SPART: variants seen among roughly 807,000 people sequenced by gnomAD.
The protein encoded by SPART is spartin.
A neutral mutation model predicts 58.7 loss-of-function variants in SPART; 35 were observed. The ratio of observed to expected loss-of-function variants is 0.60; its 90% CI spans 0.46 to 0.79. The LOEUF (loss-of-function observed/expected upper bound fraction) is 0.79, where lower values mean the gene tolerates loss of function less well. SPART is among the 30% of genes least tolerant of loss of function. The pLI, the probability that SPART is intolerant of heterozygous loss-of-function variation, is 0.00. For missense variants in SPART, 730 were observed against 786.1 expected (o/e 0.93, Z 0.85); for synonymous variants, 284 against 280.7 (o/e 1.01, Z -0.12).
chr13:36,364,006 G>C (rs866712628), intron 1 of SPART, among the ~76,000 whole-genome samples: 1 of 151,994 alleles, frequency 6.6e-6, no homozygotes, highest in African/African-American at 2.4e-5. Flanking sequence ...TGGGCTGGGG[G>C]ACGGTATGCA....
At chr13:36,309,253 A>AC (rs1238896719) in intron 8 of SPART, among the ~76,000 whole-genome samples, 1 of 152,000 alleles carries the variant, frequency 6.6e-6, no homozygotes, top group African/African-American at 2.4e-5. Context: ...CAAAAAAAAA[A>AC]AAAAAACTGA....
At chr13:36,326,452 T>C (rs1207913748) in intron 5 of SPART, 123 bp downstream of exon 5, 1 of 1,165,452 alleles carries the variant, frequency 8.6e-7, no homozygotes, top group African/African-American at 1.5e-5. Context: ...TATTTCTAAA[T>C]TGATCATTTA....
intron 2 of SPART, among the ~76,000 whole-genome samples, chr13:36,331,919 A>G (rs1883500893): frequency 6.6e-6 from 1 of 152,334 alleles, no homozygotes; most frequent in South Asian, 2.1e-4. Context: ...AAGTAAATTA[A>G]GGTTTTCGTT....
intron 4 of SPART, among the ~76,000 whole-genome samples, chr13:36,327,512 T>C (rs1593251150): frequency 6.6e-6 from 1 of 152,200 alleles, no homozygotes; most frequent in Admixed American, 6.5e-5. Context: ...AGAAATTAAA[T>C]TTTAAAACAC....
intron 4 of SPART, 100 bp from the exon 5 acceptor site, chr13:36,326,798 A>G: frequency 7.7e-7 from 1 of 1,305,856 alleles, no homozygotes; most frequent in Non-Finnish European, 1.1e-6. Context: ...ATACTAGATA[A>G]AATTAATGAA....
At chr13:36,323,037 A>C (rs1356455536) in intron 5 of SPART, among the ~76,000 whole-genome samples, 1 of 152,182 alleles carries the variant, frequency 6.6e-6, no homozygotes, top group African/African-American at 2.4e-5. Context: ...AAAAATGCAT[A>C]ATCTTGGAGA....
chr13:36,314,456 A>G (rs1191318382), intron 5 of SPART, 35 bp from the exon 6 acceptor site: 3 of 1,587,028 alleles, frequency 1.9e-6, no homozygotes, highest in Non-Finnish European at 2.6e-6. Context: ...GCACAATATT[A>G]GGGCTAATTA....
intron 1 of SPART, among the ~76,000 whole-genome samples, chr13:36,357,307 T>C (rs1055958176): frequency 3.3e-5 from 5 of 152,190 alleles, no homozygotes; most frequent in African/African-American, 9.7e-5. Flanking sequence ...CCATCACCCA[T>C]GGGATAGTTT....
chr13:36,348,596 A>G (rs1211749828), upstream of SPART, among the ~76,000 whole-genome samples: 2 of 141,218 alleles, frequency 1.4e-5, no homozygotes, highest in Non-Finnish European at 3.2e-5. Flanking sequence ...AATTAATTCC[A>G]TTCATAATAT....
rs776003453 is a variant in SPART, at chr13:36,326,596, CTT to C, written c.1265_1266del (p.Lys422SerfsTer21). Reference sequence around the variant, plus strand: ...ATACCTGACAAAATGTTGTGAGCCACTTTTTCACTCCATTCAGGTAATTCTTT... The same window carrying C: ...ATACCTGACAAAATGTTGTGAGCCACTTTCACTCCATTCAGGTAATTCTTT... ...KPKELPEWSE[K>X]VAHNILSGAS... On this transcript the variant is annotated frameshift_variant, in exon 5 of 9. Coordinates refer to ENST00000438666, the MANE Select transcript of SPART (RefSeq NM_015087.5). LOFTEE classifies it high-confidence loss of function. 6.2e-7 allele frequency: 1 copy of C among 1,613,470 alleles called. No individual in the cohort carries two copies. Among genetic ancestry groups the C allele is most frequent in the Non-Finnish European group, 8.5e-7 (1 of 1,179,816 alleles).
intron 1 of SPART, chr13:36,365,851 C>G (rs2137733088): frequency 4.5e-6 from 1 of 222,956 alleles, no homozygotes; most frequent in South Asian, 7.4e-5. Context: ...GAGGTAAGAG[C>G]TCATCTTCTG....
At chr13:36,315,654 G>T (rs1295797769) in intron 5 of SPART, among the ~76,000 whole-genome samples, 2 of 152,164 alleles carry the variant, frequency 1.3e-5, no homozygotes, top group Admixed American at 1.3e-4. Flanking sequence ...GGGAAGTGCA[G>T]GATTCAAACC....
At chr13:36,315,961 T>C (rs1881652873) in intron 5 of SPART, among the ~76,000 whole-genome samples, 1 of 152,238 alleles carries the variant, frequency 6.6e-6, no homozygotes, top group Admixed American at 6.5e-5. Flanking sequence ...CATATCACCA[T>C]GGAAGTATAC....
At chr13:36,327,568 A>G (rs184592150) in intron 4 of SPART, among the ~76,000 whole-genome samples, 12 of 152,356 alleles carry the variant, frequency 7.9e-5, no homozygotes, top group Admixed American at 6.5e-5. Flanking sequence ...ACTGTTAAGT[A>G]AAAAAGCAAG....
chr13:36,336,521 T>G (rs1884023606), intron 1 of SPART, among the ~76,000 whole-genome samples: 2 of 152,154 alleles, frequency 1.3e-5, no homozygotes, highest in African/African-American at 4.8e-5. Context: ...ACTAGGCACT[T>G]AACAGATGGC....
At chr13:36,363,896 T>G (rs1182692379) in intron 1 of SPART, among the ~76,000 whole-genome samples, 1 of 152,160 alleles carries the variant, frequency 6.6e-6, no homozygotes, top group Non-Finnish European at 1.5e-5. Context: ...TACATAACCA[T>G]AGTACATTAT....
At chr13:36,330,390 G>C (rs1019511584) in intron 3 of SPART, among the ~76,000 whole-genome samples, 1 of 151,570 alleles carries the variant, frequency 6.6e-6, no homozygotes, top group Non-Finnish European at 1.5e-5. Flanking sequence ...CACCAGGTAG[G>C]TCATTCTCGG....
intron 1 of SPART, among the ~76,000 whole-genome samples, chr13:36,337,305 C>G (rs1013365579): frequency 6.6e-6 from 1 of 152,202 alleles, no homozygotes; most frequent in Non-Finnish European, 1.5e-5. Context: ...TCCATGCTGT[C>G]TATGCTCCCC....
At chr13:36,338,496 A>G (rs1262357071) in intron 1 of SPART, among the ~76,000 whole-genome samples, 3 of 152,332 alleles carry the variant, frequency 2.0e-5, no homozygotes, top group Non-Finnish European at 2.9e-5. Context: ...GGAAGTAGAC[A>G]AAGAGCTGAA....
Sources: gnomAD v4.1 joint callset for allele counts (sites outside exome capture counted in the v4.1 genomes callset) on GRCh38, gnomAD v4.1.1 for gene constraint, MANE v1.5 for transcripts, NCBI Gene and HGNC (gene_info 2026-07-23, HGNC 2026-07-21) for gene names.